Variants in AK9 observed in about 807,000 individuals in gnomAD.
The protein encoded by AK9 is adenylate kinase domain containing 1.
Under a neutral mutation model 239.6 loss-of-function variants are expected in AK9, and 191 were observed. The observed-to-expected ratio is 0.80, with a 90% CI of 0.71 to 0.90. The LOEUF is 0.90. Among genes scored for constraint, AK9 ranks in the 40% least tolerant of loss-of-function variants. The probability of loss-of-function intolerance (pLI) is 0.00; values close to 1 mark genes in which losing one functional copy is unlikely to be tolerated. For missense variants in AK9, 1,995 were observed against 2,214.7 expected, an observed-to-expected ratio of 0.90 and a Z score of 1.99; for synonymous variants, 689 against 721.0, an observed-to-expected ratio of 0.96 and a Z score of 0.71.
chr6:109,656,039 G>A (rs967677512), intron 8 of AK9, among the ~76,000 whole-genome samples: 1 of 152,154 alleles, frequency 6.6e-6, no homozygotes. Context: ...TATCATATGG[G>A]AATAGGCAAT....
intron 8 of AK9, among the ~76,000 whole-genome samples, chr6:109,650,190 C>G (rs962895780): frequency 6.6e-6 from 1 of 151,918 alleles, no homozygotes; most frequent in African/African-American, 2.4e-5. Flanking sequence ...GACTTCATGT[C>G]TAAAACACCA....
chr6:109,548,248 A>T (rs1420191376), intron 25 of AK9, among the ~76,000 whole-genome samples: 1 of 152,134 alleles, frequency 6.6e-6, no homozygotes, highest in Non-Finnish European at 1.5e-5. Context: ...TTTTTTTTGC[A>T]CCAAATAAAC....
chr6:109,503,862 G>A (rs1200604211), intron 35 of AK9, among the ~76,000 whole-genome samples: 1 of 152,168 alleles, frequency 6.6e-6, no homozygotes, highest in African/African-American at 2.4e-5. Context: ...AGGCTGATGC[G>A]AGGGTGGAGA....
At chr6:109,620,691 A>G (rs1186890889) in intron 12 of AK9, among the ~76,000 whole-genome samples, 1 of 152,008 alleles carries the variant, frequency 6.6e-6, no homozygotes, top group Non-Finnish European at 1.5e-5. Context: ...TAGTACATGC[A>G]TAGTATTGCA....
At chr6:109,635,585 C>T (rs182066338) in intron 10 of AK9, among the ~76,000 whole-genome samples, 8 of 152,238 alleles carry the variant, frequency 5.3e-5, no homozygotes, top group Admixed American at 2.0e-4. Flanking sequence ...GCCAAGGTAG[C>T]GGGGCAGGGG....
rs1793664025 is a variant in AK9 at position 109,612,260 on chromosome 6, T to A, written c.1610-167A>T. 2.6e-5 allele frequency among the ~76,000 whole-genome samples: 4 copies of A among 152,142 alleles called. No individual in the cohort carries two copies. The South Asian group carries it at 8.3e-4, about 32-fold the overall frequency. ...ATGGGTAAATATATTTAGCAGCAGA[T>A]AATGAACATAATAACAAAACCAGGA... On this transcript the variant is annotated intron_variant, in intron 15 of 40. Transcript: ENST00000424296.
intron 27 of AK9, among the ~76,000 whole-genome samples, chr6:109,537,678 T>G (rs755544452): frequency 2.6e-5 from 4 of 152,008 alleles, no homozygotes; most frequent in Non-Finnish European, 4.4e-5. Context: ...GCTTCTCTAG[T>G]TCTTTAAATT....
intron 20 of AK9, among the ~76,000 whole-genome samples, chr6:109,574,625 A>G (rs888619572): frequency 1.3e-5 from 2 of 152,142 alleles, no homozygotes; most frequent in Non-Finnish European, 2.9e-5. Flanking sequence ...TTATTTTCCA[A>G]TTAAGTTCAC....
chr6:109,578,457 T>G (rs1788408331), intron 20 of AK9, among the ~76,000 whole-genome samples: 2 of 152,218 alleles, frequency 1.3e-5, no homozygotes, highest in South Asian at 4.1e-4. Context: ...TTTGCTTATC[T>G]TTTCAAAGAA....
intron 29 of AK9, among the ~76,000 whole-genome samples, chr6:109,517,506 G>C (rs759047104): frequency 6.6e-6 from 1 of 152,138 alleles, no homozygotes; most frequent in Non-Finnish European, 1.5e-5. Context: ...TCTTAACTGG[G>C]ACAAGATGTT....
chr6:109,517,564 G>A (rs909341240), intron 29 of AK9, among the ~76,000 whole-genome samples: 1 of 152,118 alleles, frequency 6.6e-6, no homozygotes, highest in Non-Finnish European at 1.5e-5. Flanking sequence ...CAGGGTTGCT[G>A]GGAGCATTAA....
chr6:109,679,412 T>C (rs1459421819), intron 1 of AK9, among the ~76,000 whole-genome samples: 2 of 151,906 alleles, frequency 1.3e-5, no homozygotes, highest in Admixed American at 6.6e-5. Context: ...ATTCCTCCTC[T>C]CTAGGCAGGG....
chr6:109,529,071 A>G lies in AK9; in HGVS notation c.3573T>C (p.Val1191=). The change falls in exon 29 of 41, where the codon GTT becomes GTC. Residue 1191 remains valine, a splice_region_variant and synonymous_variant. Coordinates refer to ENST00000424296, the MANE Select transcript of AK9 (RefSeq NM_001145128.3). ...CAGCCCTTCTTTTAGCAATCGTATC[A>G]ACCTGTTAAAGAAAGAGACATTAAA... ...LIKDMKAKIR[V]DTIAKRRAEL... 1.3e-6 allele frequency: 2 copies of G among 1,571,522 alleles called. No individual in the cohort carries two copies. The highest frequency in any genetic ancestry group is 2.2e-5 in the East Asian group (1 of 44,704).
rs141654848 is a variant in AK9 at position 109,550,125 on chromosome 6, G to C, written c.2929C>G (p.Pro977Ala). ...TCTTCATGAGCCACATAATCCTCAG[G>C]ATGCTCCAAAAACTTTTCTTTAGCC... ...AEAKEKFLEHPEDYVAHEEPL... is the reference protein window; with the variant it reads ...AEAKEKFLEHAEDYVAHEEPL... The change falls in exon 25 of 41, where the codon CCT becomes GCT. Residue 977 changes from proline to alanine, a missense_variant. Coordinates refer to ENST00000424296, the MANE Select transcript of AK9 (RefSeq NM_001145128.3). 2 of 1,613,698 alleles carry C rather than the reference G, an allele frequency of 1.2e-6. No individual in the cohort carries two copies. The highest frequency in any genetic ancestry group is 1.7e-6 in the Non-Finnish European group (2 of 1,180,016).
chr6:109,649,678 C>G (rs942306377), intron 8 of AK9, among the ~76,000 whole-genome samples: 7 of 152,140 alleles, frequency 4.6e-5, no homozygotes, highest in African/African-American at 1.7e-4. Flanking sequence ...TTTATAGATT[C>G]AATGCCATCC....
chr6:109,545,567 T>C (rs1420234143), intron 26 of AK9, among the ~76,000 whole-genome samples: 1 of 152,182 alleles, frequency 6.6e-6, no homozygotes, highest in Non-Finnish European at 1.5e-5. Flanking sequence ...GATTTGCTCC[T>C]CCTTGCCTTC....
At chr6:109,665,527 C>T (rs1801066056) in intron 5 of AK9, among the ~76,000 whole-genome samples, 1 of 152,172 alleles carries the variant, frequency 6.6e-6, no homozygotes, top group Non-Finnish European at 1.5e-5. Flanking sequence ...GGCATCTTTG[C>T]TCTTGTGAGT....
At chr6:109,618,732 A>G (rs1457184076) in intron 13 of AK9, among the ~76,000 whole-genome samples, 3 of 152,146 alleles carry the variant, frequency 2.0e-5, no homozygotes, top group African/African-American at 4.8e-5. Flanking sequence ...ACTGCCATAT[A>G]AGTCTAAAAC....
rs1186970204 is a variant in AK9, at chr6:109,668,677, T to C, written c.331+3242A>G. ...GGAATCCTTTCCCCATTGCTTGTTT[T>C]TGTCAGATTTGTCAAAGATCAGATA... On this transcript the variant is annotated intron_variant, in intron 5 of 40. Transcript: ENST00000424296. 6.4e-5 allele frequency among the ~76,000 whole-genome samples: 6 copies of C among 94,226 alleles called. 2 individuals carry two copies. The East Asian group carries it at 2.7e-3, about 43-fold the overall frequency. The allele number at this position is 94,226 out of a possible 152,430, so 61.8% of individuals were successfully genotyped here.
Sources: gnomAD v4.1 joint callset for allele counts (sites outside exome capture counted in the v4.1 genomes callset) on GRCh38, gnomAD v4.1.1 for gene constraint, MANE v1.5 for transcripts, NCBI Gene and HGNC (gene_info 2026-07-23, HGNC 2026-07-21) for gene names.